EDC3: variants seen among roughly 807,000 people sequenced by gnomAD.
EDC3 encodes the protein enhancer of mRNA decapping 3.
Under a neutral mutation model 41.8 loss-of-function variants are expected in EDC3, and 20 were observed. The ratio of observed to expected loss-of-function variants is 0.48; its 90% confidence interval spans 0.34 to 0.70. The LOEUF (loss-of-function observed/expected upper bound fraction) is 0.70, where lower values mean the gene tolerates loss of function less well. Among genes scored for constraint, EDC3 ranks in the 30% least tolerant of loss-of-function variants. EDC3 has a pLI of 0.01. For missense variants in EDC3, 444 were observed against 636.8 expected, an observed-to-expected ratio of 0.70 and a Z score of 3.26; for synonymous variants, 206 against 243.2, an observed-to-expected ratio of 0.85 and a Z score of 1.42.
Position 74,671,563 on chromosome 15 carries a change from G to A in EDC3, c.376C>T (p.Gln126Ter). The A allele has an allele frequency of 6.2e-7, 1 of 1,614,130 alleles. No individual in the cohort carries two copies. Among genetic ancestry groups the A allele is most frequent in the Non-Finnish European group, 8.5e-7 (1 of 1,180,026 alleles). Reference sequence around the variant, plus strand: ...TGCTGCGGGGAAACGGCAACATCCTGGCTCTTCACATCTGTCCTCTTAGGG... The same window carrying A: ...TGCTGCGGGGAAACGGCAACATCCTAGCTCTTCACATCTGTCCTCTTAGGG... ...NIPKRTDVKS[Q>*]DVAVSPQQQQ... The change falls in exon 3 of 7, where the codon CAG becomes TAG. Residue 126 changes from glutamine (Q) to a stop codon, truncating the protein, a stop_gained. Transcript: ENST00000315127. LOFTEE classifies it high-confidence loss of function. The surrounding 1 kb of genome is among the most constrained non-coding windows in gnomAD (Gnocchi z 4.6).
At chr15:74,694,726 T>G (rs747378239) in intron 1 of EDC3, among the ~76,000 whole-genome samples, 1 of 104,348 alleles carries the variant, frequency 9.6e-6, no homozygotes, top group Non-Finnish European at 1.7e-5. Flanking sequence ...TTTTCATTGG[T>G]GTGTGTGTGT....
chr15:74,632,581 G>C lies in EDC3; in HGVS notation c.*31C>G, dbSNP rs777651516. ...GCGTTTGTTATCAGGAGCAGCAGGGGACAGCAGAGTCCTGCCTGCGCAGGA... is the reference window on the plus strand; with the variant it reads ...GCGTTTGTTATCAGGAGCAGCAGGGCACAGCAGAGTCCTGCCTGCGCAGGA... On this transcript the variant is annotated 3_prime_UTR_variant, in exon 7 of 7. Transcript: ENST00000315127. The surrounding 1 kb of genome is among the most constrained non-coding windows in gnomAD (Gnocchi z 4.0). The C allele has an allele frequency of 1.9e-6, 3 of 1,601,010 alleles. No individual in the cohort carries two copies. The highest frequency in any genetic ancestry group is 4.5e-5 in the East Asian group (2 of 44,614).
At chr15:74,664,982 G>A (rs138302029) in intron 3 of EDC3, among the ~76,000 whole-genome samples, 8 of 152,282 alleles carry the variant, frequency 5.3e-5, no homozygotes, top group Non-Finnish European at 1.2e-4. Flanking sequence ...CATGCCTATA[G>A]GACCACCTCT....
intron 2 of EDC3, among the ~76,000 whole-genome samples, chr15:74,674,647 T>C (rs990038847): frequency 6.6e-6 from 1 of 152,024 alleles, no homozygotes; most frequent in Non-Finnish European, 1.5e-5. Flanking sequence ...TAGTGGCAAA[T>C]GCAAGATCTA....
rs766059765 is a variant in EDC3 at position 74,652,065 on chromosome 15, G to A, written c.820+3668C>T. On this transcript the variant is annotated intron_variant, in intron 4 of 6. Transcript: ENST00000315127. ...TTAGAGAATATCATACCTGCATATCGCTAGCTCAGGAAAAGATCTAAATTA... is the reference window on the plus strand; with the variant it reads ...TTAGAGAATATCATACCTGCATATCACTAGCTCAGGAAAAGATCTAAATTA... Among the ~76,000 whole-genome samples the A allele has an allele frequency of 3.3e-5, 5 of 152,220 alleles. No individual in the cohort carries two copies. The East Asian group carries it at 5.8e-4, about 18-fold the overall frequency.
chr15:74,667,921 G>A (rs949125182), intron 3 of EDC3, among the ~76,000 whole-genome samples: 4 of 152,144 alleles, frequency 2.6e-5, no homozygotes, highest in Non-Finnish European at 5.9e-5. Flanking sequence ...CATATGTAAA[G>A]GGGAAGAAAG....
intron 1 of EDC3, among the ~76,000 whole-genome samples, chr15:74,678,474 C>T (rs143721547): frequency 6.6e-6 from 1 of 152,266 alleles, no homozygotes; most frequent in Non-Finnish European, 1.5e-5. Context: ...AAAATCCAGG[C>T]CTAGATGGCT....
chr15:74,675,180 A>ACGGTGGCTCACGCCTGTAATCCCAGC, intron 1 of EDC3, 38 bp from the exon 2 acceptor site: 1 of 1,585,282 alleles, frequency 6.3e-7, no homozygotes, highest in Non-Finnish European at 8.6e-7. Context: ...GCCTTGGTGA[A>ACGGTGGCTCACGCCTGTAATCCCAGC]AAGACAAACT....
Position 74,671,680 on chromosome 15 carries a change from A to G in EDC3, c.259T>C (p.Ser87Pro), listed in dbSNP as rs142875618. 1.7e-4 allele frequency: 275 copies of G among 1,614,146 alleles called. No homozygotes were observed. The highest frequency in any genetic ancestry group is 2.2e-4 in the Non-Finnish European group (255 of 1,180,022). The change falls in exon 3 of 7, where the codon TCT becomes CCT. Residue 87 changes from serine (S) to proline (P), a missense_variant. Physicochemically the swap from Ser to Pro is moderately conservative, Grantham distance 74. Around this residue, in one of 3 missense-constraint regions of EDC3, gnomAD observed 200 missense variants for 244.0 expected, o/e 0.82. Transcript: ENST00000315127. The surrounding 1 kb of genome is among the most constrained non-coding windows in gnomAD (Gnocchi z 4.6). The part of the protein sequence containing the change: ...GDLHQTELGP[S>P]GAGCQVGINQ... ...ATGCCCACTTGGCAGCCAGCACCAGAGGGGCCTAATTCTGTTTGATGAAGG... is the reference window on the plus strand; with the variant it reads ...ATGCCCACTTGGCAGCCAGCACCAGGGGGGCCTAATTCTGTTTGATGAAGG...
chr15:74,670,653 C>A (rs191300721), intron 3 of EDC3, among the ~76,000 whole-genome samples: 3 of 152,322 alleles, frequency 2.0e-5, no homozygotes, highest in Admixed American at 6.5e-5. Context: ...TGGCCTCAAA[C>A]GCCTGACCTC....
At chr15:74,668,454 G>A (rs189881108) in intron 3 of EDC3, among the ~76,000 whole-genome samples, 117 of 152,226 alleles carry the variant, frequency 7.7e-4, no homozygotes, top group Non-Finnish European at 1.3e-3. Context: ...TCAAGTGCAC[G>A]GAAGATTATA....
At chr15:74,634,923 G>A (rs1462523632) in intron 6 of EDC3, among the ~76,000 whole-genome samples, 4 of 152,040 alleles carry the variant, frequency 2.6e-5, no homozygotes, top group African/African-American at 7.2e-5. Flanking sequence ...CAGAGTAAAA[G>A]CCCAAATCCT....
At position 74,671,660 on chromosome 15, in the gene EDC3, C is replaced by T. The variant is rs1254486852; in HGVS notation, c.279G>A (p.Val93=). The change falls in exon 3 of 7, where the codon GTG becomes GTA. Residue 93 remains valine, a synonymous_variant. Transcript: ENST00000315127. This position sits in a 1 kb window ranked among gnomAD's most constrained non-coding sequence, Gnocchi z 4.6. ...ELGPSGAGCQ[V]GINQNGTGKF... is the part of the protein sequence containing the mutation. ...TGCCTGTGCCATTCTGATTGATGCCCACTTGGCAGCCAGCACCAGAGGGGC... is the reference window on the plus strand; with the variant it reads ...TGCCTGTGCCATTCTGATTGATGCCTACTTGGCAGCCAGCACCAGAGGGGC... The T allele has an allele frequency of 1.2e-6, 2 of 1,614,016 alleles. No homozygotes were observed. The highest frequency in any genetic ancestry group is 1.7e-6 in the Non-Finnish European group (2 of 1,180,034).
chr15:74,635,887 T>C (rs1468154379), intron 5 of EDC3: 2 of 516,258 alleles, frequency 3.9e-6, no homozygotes, highest in African/African-American at 1.9e-5. Context: ...CACAACACTG[T>C]TGCCACAACA....
intron 1 of EDC3, among the ~76,000 whole-genome samples, chr15:74,684,090 T>G (rs1041112660): frequency 8.1e-5 from 12 of 148,632 alleles, no homozygotes; most frequent in Admixed American, 8.0e-4. Flanking sequence ...TTCTGTTTTT[T>G]TTTTTTTTTT....
In EDC3 at chr15:74,671,623, T is replaced by G; in HGVS notation, c.316A>C (p.Lys106Gln). 6.2e-7 allele frequency: 1 copy of G among 1,614,024 alleles called. No individual in the cohort carries two copies. Among genetic ancestry groups the G allele is most frequent in the East Asian group, 2.2e-5 (1 of 44,882 alleles). Residue 106 changes from lysine to glutamine, a missense_variant, in exon 3 of 7, where the codon AAG becomes CAG. Around this residue, in one of 3 missense-constraint regions of EDC3, gnomAD observed 200 missense variants for 244.0 expected, o/e 0.82. Coordinates refer to ENST00000315127, the MANE Select transcript of EDC3 (RefSeq NM_025083.5). This position sits in a 1 kb window ranked among gnomAD's most constrained non-coding sequence, Gnocchi z 4.6. ...GGGGCACTGCTGGAAGAGGCTGGCT[T>G]CTTGACAAACTTGCCTGTGCCATTC... is the stretch of plus-strand genomic sequence containing the variant. ...NQNGTGKFVK[K>Q]PASSSSAPQN...
At chr15:74,634,261 T>C (rs1399298380) in intron 6 of EDC3, among the ~76,000 whole-genome samples, 14 of 152,328 alleles carry the variant, frequency 9.2e-5, no homozygotes, top group Admixed American at 8.5e-4. Flanking sequence ...CTTTCTTCAC[T>C]TGGCTTTCAG....
chr15:74,677,739 C>T (rs2062822768), intron 1 of EDC3, among the ~76,000 whole-genome samples: 1 of 152,160 alleles, frequency 6.6e-6, no homozygotes, highest in Non-Finnish European at 1.5e-5. Flanking sequence ...AATCACTCTC[C>T]TTGGTATTTA....
intron 3 of EDC3, among the ~76,000 whole-genome samples, chr15:74,670,116 C>A (rs1340073090): frequency 6.6e-6 from 1 of 151,050 alleles, no homozygotes; most frequent in East Asian, 1.9e-4. Context: ...CCCCAGCCTC[C>A]TGAAGTAGTG....
Sources: allele counts gnomAD v4.1 joint callset (sites outside exome capture counted in the v4.1 genomes callset), GRCh38; gene constraint gnomAD v4.1.1; regional missense constraint gnomAD v4.1.1; non-coding constraint Gnocchi (gnomAD v3.1); transcripts MANE v1.5; gene names NCBI Gene and HGNC (gene_info 2026-07-23, HGNC 2026-07-21).